Variants in ZNF701 observed in about 807,000 individuals in gnomAD.
ZNF701 encodes zinc finger protein 701.
ZNF701 carries 6 observed loss-of-function variants against 7.1 expected under a neutral mutation model. The observed-to-expected ratio is 0.84, with a 90% CI of 0.46 to 1.66. The LOEUF is 1.66. Among genes scored for constraint, ZNF701 ranks in the 40% most tolerant of loss-of-function variants. The probability of loss-of-function intolerance (pLI) is 0.01; values close to 1 mark genes in which losing one functional copy is unlikely to be tolerated. For missense variants in ZNF701, 541 were observed against 559.2 expected, an observed-to-expected ratio of 0.97 and a Z score of 0.33; for synonymous variants, 166 against 188.2, an observed-to-expected ratio of 0.88 and a Z score of 0.97.
rs534071194 is a variant in ZNF701, at chr19:52,582,930, A to G, written c.871A>G (p.Ile291Val). The G allele has an allele frequency of 7.4e-6, 12 of 1,614,138 alleles. No homozygotes were observed. Among genetic ancestry groups the G allele is most frequent in the Admixed American group, 6.7e-5 (4 of 60,012 alleles). ...TTCAGCCCTGTTAGTTCACAAGGCAATTCATACTGGAGAGAAACCTTACAA... is the reference window on the plus strand; with the variant it reads ...TTCAGCCCTGTTAGTTCACAAGGCAGTTCATACTGGAGAGAAACCTTACAA... The part of the protein sequence containing the change: ...HNSALLVHKA[I>V]HTGEKPYKCN... Residue 291 changes from isoleucine to valine, a missense_variant, in exon 4 of 4, where the codon ATT becomes GTT. Transcript: ENST00000391785.
chr19:52,584,157 G>C lies in ZNF701; in HGVS notation c.*700G>C, dbSNP rs117411042. ...CTATGTGTGGCAAGGTCTTCAGTCC[G>C]AGGTTACTCCTTGCAGAATATCATA... On this transcript the variant is annotated 3_prime_UTR_variant, in exon 4 of 4. Transcript: ENST00000391785. 626 of 303,696 alleles carry C rather than the reference G, an allele frequency of 2.1e-3. 7 individuals carry two copies. In the East Asian group the frequency reaches 0.035, roughly 17 times the overall value. The allele number at this position is 303,696 out of a possible 1,614,324, so 18.8% of individuals were successfully genotyped here.
rs1280764704 is a variant in ZNF701, at chr19:52,583,454, T to G, written c.1395T>G (p.Ser465=). The G allele has an allele frequency of 6.2e-7, 1 of 1,610,830 alleles. No individual in the cohort carries two copies. Among genetic ancestry groups the G allele is most frequent in the South Asian group, 1.1e-5 (1 of 90,688 alleles). Residue 465 remains serine, a synonymous_variant, in exon 4 of 4, where the codon TCT becomes TCG. Coordinates refer to ENST00000391785, the MANE Select transcript of ZNF701 (RefSeq NM_018260.3). ...ATAGACTTCATACTGGAAAGAAATC[T>G]TAGAAGTGTAAATTTGCAAGGTTTT... is the stretch of plus-strand genomic sequence containing the variant. The part of the protein sequence containing the change: ...RHHRLHTGKK[S]
intron 3 of ZNF701, among the ~76,000 whole-genome samples, chr19:52,576,722 C>T (rs1359603156): frequency 1.3e-5 from 2 of 152,010 alleles, no homozygotes; most frequent in African/African-American, 4.8e-5. Flanking sequence ...AAATATTTTC[C>T]TAGATCCACC....
At chr19:52,597,232 G>A in the ZNF701 span, 4 of 550,840 alleles carry the variant, frequency 7.3e-6, no homozygotes, top group Admixed American at 7.7e-5. Context: ...AAACATAGGA[G>A]AATTCATACA....
intron 3 of ZNF701, among the ~76,000 whole-genome samples, chr19:52,579,482 T>C (rs886357498): frequency 4.7e-5 from 6 of 126,586 alleles, no homozygotes. Flanking sequence ...ATTGTGCCAT[T>C]GCACTCCAGC....
intron 1 of ZNF701, among the ~76,000 whole-genome samples, chr19:52,571,571 G>A (rs1187740573): frequency 1.3e-5 from 2 of 152,066 alleles, no homozygotes; most frequent in Non-Finnish European, 2.9e-5. Flanking sequence ...TGTTGGCCAG[G>A]CTGGTCTCGA....
the ZNF701 span, chr19:52,597,620 T>C: frequency 2.3e-4 from 83 of 355,430 alleles, no homozygotes; most frequent in East Asian, 5.9e-4. Flanking sequence ...GGCTGATAGA[T>C]CACAGCCACA....
At chr19:52,596,384 A>G in the ZNF701 span, 178,224 of 393,584 alleles carry the variant, frequency 0.45, 40,807 homozygotes, top group Middle Eastern at 0.54. Flanking sequence ...TGAAGAATGC[A>G]ACAAAGTTTA....
chr19:52,587,346 C>G (rs1203616709), downstream of ZNF701, among the ~76,000 whole-genome samples: 1 of 152,084 alleles, frequency 6.6e-6, no homozygotes, highest in Non-Finnish European at 1.5e-5. Flanking sequence ...CTGTGTCCTC[C>G]TCACTCCCTC....
chr19:52,596,037 C>G, the ZNF701 span: 1 of 1,455,652 alleles, frequency 6.9e-7, no homozygotes, highest in South Asian at 1.1e-5. Flanking sequence ...ACCCATATTT[C>G]TATTAAGTAT....
At chr19:52,596,825 C>T in the ZNF701 span, 1 of 541,794 alleles carries the variant, frequency 1.8e-6, no homozygotes, top group Admixed American at 1.9e-5. Context: ...AAAAGCACAC[C>T]TTGCATGTCA....
chr19:52,578,128 C>CT (rs954495539), intron 3 of ZNF701, among the ~76,000 whole-genome samples: 5 of 151,528 alleles, frequency 3.3e-5, no homozygotes, highest in Admixed American at 6.6e-5. Context: ...GTGGCGGGCA[C>CT]TTGTAGTCCC....
chr19:52,595,725 A>T, the ZNF701 span: 1 of 1,557,134 alleles, frequency 6.4e-7, no homozygotes, highest in South Asian at 1.1e-5. Context: ...CACACTGGAG[A>T]TTTTTGCTTC....
chr19:52,583,954 TTACAAA>T lies in ZNF701; in HGVS notation c.*499_*504del. On this transcript the variant is annotated 3_prime_UTR_variant, in exon 4 of 4. Transcript: ENST00000391785. Reference sequence around the variant, plus strand: ...GGCGATCTTATACAGGAGAGAAATCTTACAAATGTGATGATTGTGGCAAGGTCTTCA... The same window carrying T: ...GGCGATCTTATACAGGAGAGAAATCTTGTGATGATTGTGGCAAGGTCTTCA... 2.5e-6 allele frequency: 1 copy of T among 406,282 alleles called. No individual in the cohort carries two copies. Among genetic ancestry groups the T allele is most frequent in the African/African-American group, 2.1e-5 (1 of 48,448 alleles). 25.2% of individuals were successfully genotyped at this position (406,282 alleles called of 1,614,324 possible).
chr19:52,583,814 C>A lies in ZNF701; in HGVS notation c.*357C>A. On this transcript the variant is annotated 3_prime_UTR_variant, in exon 4 of 4. Transcript: ENST00000391785. ...ACTAATGTAATGATTGTCACAAAGT[C>A]TTCAGTAATATTACAGCCATTGCAA... The A allele has an allele frequency of 3.4e-6, 2 of 580,210 alleles. No individual in the cohort carries two copies. The highest frequency in any genetic ancestry group is 6.5e-6 in the Non-Finnish European group (2 of 308,156). The allele number at this position is 580,210 out of a possible 1,614,324, so 35.9% of individuals were successfully genotyped here.
chr19:52,582,773 A>T lies in ZNF701; in HGVS notation c.714A>T (p.Leu238Phe). ...TAAAAAAACATCAGATAATCCATTT[A>T]GGAGACAAACAGTATAAATGTGATG... ...SLLKKHQIIH[L>F]GDKQYKCDVC... The change falls in exon 4 of 4, where the codon TTA becomes TTT. Residue 238 changes from leucine to phenylalanine, a missense_variant. Transcript: ENST00000391785. 1.2e-6 allele frequency: 2 copies of T among 1,614,224 alleles called. No homozygotes were observed. The highest frequency in any genetic ancestry group is 1.7e-6 in the Non-Finnish European group (2 of 1,180,038).
At chr19:52,575,039 C>G in intron 2 of ZNF701, among the ~76,000 whole-genome samples, 1 of 152,116 alleles carries the variant, frequency 6.6e-6, no homozygotes, top group Admixed American at 6.5e-5. Flanking sequence ...GCACGATCTC[C>G]GCTCACTGGA....
intron 2 of ZNF701, among the ~76,000 whole-genome samples, chr19:52,574,757 C>G (rs1306275629): frequency 1.3e-5 from 2 of 152,004 alleles, no homozygotes; most frequent in Non-Finnish European, 2.9e-5. Flanking sequence ...TAAATAATAG[C>G]AGGAGATTTA....
chr19:52,588,613 GGTAA>G, downstream of ZNF701: 1 of 388,318 alleles, frequency 2.6e-6, no homozygotes. Context: ...CTCTTCCTCA[GGTAA>G]AGTGATATTC....
Sources: allele counts gnomAD v4.1 joint callset (sites outside exome capture counted in the v4.1 genomes callset), GRCh38; gene constraint gnomAD v4.1.1; transcripts MANE v1.5; gene names NCBI Gene and HGNC (gene_info 2026-07-23, HGNC 2026-07-21).